Variants in STON2 observed in about 807,000 individuals in gnomAD.
STON2 encodes the protein stonin-2.
STON2 carries 29 observed loss-of-function variants against 65.7 expected under a neutral mutation model. The observed-to-expected ratio is 0.44, with a 90% CI of 0.33 to 0.60. STON2 has a LOEUF of 0.60. STON2 is among the 20% of genes least tolerant of loss of function. The pLI is 0.03. For synonymous variants in STON2, 404 were observed against 414.2 expected (o/e 0.98, Z 0.30); for missense variants, 1,054 against 1,118.1 (o/e 0.94, Z 0.82).
chr14:81,373,579 CA>C (rs1447217804), intron 3 of STON2, among the ~76,000 whole-genome samples: 1 of 152,106 alleles, frequency 6.6e-6, no homozygotes, highest in Non-Finnish European at 1.5e-5. Flanking sequence ...GCTGCAACCC[CA>C]AAAGAGTAAA....
Position 81,350,924 on chromosome 14 carries a change from T to C in STON2, c.571+20064A>G, listed in dbSNP as rs536254239. ...ATAAATCTTTCTGAAGCCCTGACTT[T>C]GCACAAGAGATTCAGTGAGCAATTT... On this transcript the variant is annotated intron_variant, in intron 4 of 7. Transcript: ENST00000614646. 3.3e-5 allele frequency among the ~76,000 whole-genome samples: 5 copies of C among 152,298 alleles called. No individual in the cohort carries two copies. In the South Asian group the frequency reaches 8.3e-4, roughly 25 times the overall value.
rs74826664 is a variant in STON2 at position 81,346,872 on chromosome 14, C to T, written c.572-22685G>A. Among the ~76,000 whole-genome samples, 1,052 of 152,154 alleles carry T rather than the reference C, an allele frequency of 6.9e-3. 16 individuals carry two copies. Among genetic ancestry groups the T allele is most frequent in the African/African-American group, 0.024 (1,014 of 41,514 alleles). On this transcript the variant is annotated intron_variant, in intron 4 of 7. Transcript: ENST00000614646. ...AACGAAACGAAAACATTTGTTGAAA[C>T]ACATTGAAATGGAAACACAACACAC...
Position 81,277,317 on chromosome 14 carries a change from T to C in STON2, c.2165A>G (p.Asn722Ser). The C allele has an allele frequency of 6.2e-7, 1 of 1,614,034 alleles. No homozygotes were observed. Among genetic ancestry groups the C allele is most frequent in the Non-Finnish European group, 8.5e-7 (1 of 1,179,998 alleles). The change falls in exon 6 of 8, where the codon AAC becomes AGC. Residue 722 changes from asparagine to serine, a missense_variant. Transcript: ENST00000614646. ...VFHNSRVILF[N>S]PLDACRFELM... ...CTCAAACCGGCACGCATCCAAAGGG[T>C]TGAACAGAATGACCCGTGAGTTGTG...
chr14:81,411,697 C>A (rs1338625759), intron 2 of STON2, among the ~76,000 whole-genome samples: 1 of 152,184 alleles, frequency 6.6e-6, no homozygotes. Flanking sequence ...GGCTTTGCAA[C>A]AGGAGTGAAA....
At position 81,291,858 on chromosome 14, in the gene STON2, T is replaced by TACACACACACACAC. The variant is rs59366676; in HGVS notation, c.743-13133_743-13120dup. Reference sequence around the variant, plus strand: ...GCATGTTTCAAATACTTAGCATGGGTACACACACACACACACACACACACA... The same window carrying TACACACACACACAC: ...GCATGTTTCAAATACTTAGCATGGGTACACACACACACACACACACACACACACACACACACACA... On this transcript the variant is annotated intron_variant, in intron 5 of 7. Coordinates refer to ENST00000614646, the MANE Select transcript of STON2 (RefSeq NM_001394390.1). Among the ~76,000 whole-genome samples, 5 of 137,726 alleles carry TACACACACACACAC rather than the reference T, an allele frequency of 3.6e-5. No homozygotes were observed. The East Asian group carries it at 6.6e-4, about 18-fold the overall frequency. 90.4% of individuals were successfully genotyped at this position (137,726 alleles called of 152,430 possible).
rs1894325027 is a variant in STON2 at position 81,265,618 on chromosome 14, C to T, written c.*2796G>A. Reference sequence around the variant, plus strand: ...CGAGATCACGCCATTGCACTCCAGCCTGGGCGACAAGAGCGAAACTTTGTC... The same window carrying T: ...CGAGATCACGCCATTGCACTCCAGCTTGGGCGACAAGAGCGAAACTTTGTC... On this transcript the variant is annotated 3_prime_UTR_variant, in exon 8 of 8. Coordinates refer to ENST00000614646, the MANE Select transcript of STON2 (RefSeq NM_001394390.1). 2.2e-6 allele frequency: 1 copy of T among 461,318 alleles called. No homozygotes were observed. 28.6% of individuals were successfully genotyped at this position (461,318 alleles called of 1,614,324 possible).
At position 81,398,365 on chromosome 14, in the gene STON2, A is replaced by G. The variant is rs915587275; in HGVS notation, c.18T>C (p.His6=). 2.0e-5 allele frequency: 32 copies of G among 1,614,034 alleles called. No individual in the cohort carries two copies. The highest frequency in any genetic ancestry group is 2.6e-5 in the Non-Finnish European group (31 of 1,179,936). The change falls in exon 2 of 8, where the codon CAT becomes CAC. Residue 6 remains histidine (H), a synonymous_variant. Coordinates refer to ENST00000614646, the MANE Select transcript of STON2 (RefSeq NM_001394390.1). MTTLD[H]VIATHQSEWV... ...ATTCTGACTGGTGGGTGGCAATCAC[A>G]TGGTCCAAAGTCGTCATGCTAAAAA...
chr14:81,395,832 C>T, intron 3 of STON2, 62 bp downstream of exon 3: 1 of 1,557,684 alleles, frequency 6.4e-7, no homozygotes, highest in Non-Finnish European at 8.8e-7. Flanking sequence ...CCCTATAGAC[C>T]TCTCACTGAA....
rs1214920930 is a variant in STON2, at chr14:81,278,433, T to C, written c.1049A>G (p.Asp350Gly). The C allele has an allele frequency of 1.2e-6, 2 of 1,614,214 alleles. No individual in the cohort carries two copies. Among genetic ancestry groups the C allele is most frequent in the South Asian group, 1.1e-5 (1 of 91,086 alleles). Residue 350 changes from aspartate (D) to glycine (G), a missense_variant, in exon 6 of 8, where the codon GAT becomes GGT. Physicochemically the swap from Asp to Gly is moderately conservative, Grantham distance 94. Transcript: ENST00000614646. ...AGGCGTGCGGTTTAAAGAGGAAATATCCAGCTTCTGAACTTTGGAGAAGTT... is the reference window on the plus strand; with the variant it reads ...AGGCGTGCGGTTTAAAGAGGAAATACCCAGCTTCTGAACTTTGGAGAAGTT... ...LMNFSKVQKL[D>G]ISSLNRTPSV...
intron 4 of STON2, among the ~76,000 whole-genome samples, chr14:81,330,435 C>CTTT (rs144222612): frequency 1.4e-5 from 2 of 145,344 alleles, no homozygotes; most frequent in African/African-American, 2.5e-5. Flanking sequence ...GAGATGGTGT[C>CTTT]TTTTTTTTTT....
intron 5 of STON2, among the ~76,000 whole-genome samples, chr14:81,286,567 A>T (rs1363988731): frequency 1.3e-5 from 2 of 152,244 alleles, no homozygotes; most frequent in Non-Finnish European, 2.9e-5. Flanking sequence ...GTATAGTGTA[A>T]GCATAAGTTT....
intron 5 of STON2, among the ~76,000 whole-genome samples, chr14:81,295,015 AT>A (rs1291505526): frequency 6.6e-6 from 1 of 152,174 alleles, no homozygotes. Context: ...GTGGGCAGTT[AT>A]TGCATTTTAG....
chr14:81,307,289 C>G (rs557506601), intron 5 of STON2, among the ~76,000 whole-genome samples: 2 of 152,206 alleles, frequency 1.3e-5, no homozygotes, highest in African/African-American at 4.8e-5. Flanking sequence ...CATTTCAGAA[C>G]GGTCAGTGTT....
chr14:81,335,477 G>T (rs1897335368), intron 4 of STON2, among the ~76,000 whole-genome samples: 1 of 152,166 alleles, frequency 6.6e-6, no homozygotes, highest in Non-Finnish European at 1.5e-5. Flanking sequence ...AAAGGAAGCT[G>T]CTGGGTAAGA....
intron 5 of STON2, among the ~76,000 whole-genome samples, chr14:81,303,875 C>T (rs902694349): frequency 6.6e-6 from 1 of 152,180 alleles, no homozygotes; most frequent in East Asian, 1.9e-4. Flanking sequence ...GTGCACATAT[C>T]GTAGCTCCAT....
chr14:81,316,965 A>G (rs548324949), intron 5 of STON2, among the ~76,000 whole-genome samples: 1 of 152,294 alleles, frequency 6.6e-6, no homozygotes, highest in African/African-American at 2.4e-5. Flanking sequence ...GGTTGCAGTG[A>G]GCCGAGATCG....
chr14:81,410,472 G>A (rs1901102903), intron 2 of STON2, among the ~76,000 whole-genome samples: 1 of 152,094 alleles, frequency 6.6e-6, no homozygotes, highest in Non-Finnish European at 1.5e-5. Context: ...ATCCAGGTGA[G>A]CCAAATCTAA....
At chr14:81,292,482 G>C (rs1430144750) in intron 5 of STON2, among the ~76,000 whole-genome samples, 1 of 152,150 alleles carries the variant, frequency 6.6e-6, no homozygotes, top group Non-Finnish European at 1.5e-5. Flanking sequence ...AATGATGGGG[G>C]CAAGTTACCC....
At chr14:81,270,538 G>C in intron 7 of STON2, 132 bp downstream of exon 7, 1 of 1,578,876 alleles carries the variant, frequency 6.3e-7, no homozygotes, top group South Asian at 1.2e-5. Context: ...GCTATGTATG[G>C]TGAACTTCCT....
Sources: gnomAD v4.1 joint callset for allele counts (sites outside exome capture counted in the v4.1 genomes callset) on GRCh38, gnomAD v4.1.1 for gene constraint, MANE v1.5 for transcripts, NCBI Gene and HGNC (gene_info 2026-07-23, HGNC 2026-07-21) for gene names.